The following ASH2L variants were observed in gnomAD, a reference collection of about 807,000 sequenced individuals.
ASH2L encodes the protein ASH2 like, histone lysine methyltransferase complex subunit.
In ASH2L, 30 loss-of-function variants were observed where a neutral mutation model predicts 81.1. That is an observed-to-expected ratio of 0.37 (90% CI 0.28 to 0.50). The LOEUF (loss-of-function observed/expected upper bound fraction) is 0.50. Among genes scored for constraint, ASH2L ranks in the 20% least tolerant of loss-of-function variants. The pLI, the probability that ASH2L is intolerant of heterozygous loss-of-function variation, is 0.95. For missense variants in ASH2L, 559 were observed against 792.1 expected (o/e 0.71, Z 3.53); for synonymous variants, 273 against 279.9 (o/e 0.98, Z 0.24).
At chr8:38,106,143 GATT>G (rs1810420200) in intron 1 of ASH2L, 1 of 1,530,830 alleles carries the variant, frequency 6.5e-7, no homozygotes, top group African/African-American at 1.4e-5. Context: ...AACCCAGGTA[GATT>G]TGACTGTAAA....
At chr8:38,120,306 C>T (rs1048773505) in intron 9 of ASH2L, among the ~76,000 whole-genome samples, 1 of 152,060 alleles carries the variant, frequency 6.6e-6, no homozygotes, top group Admixed American at 6.5e-5. Flanking sequence ...GGAGTGAAAC[C>T]AGTGTTGAAT....
intron 9 of ASH2L, 95 bp downstream of exon 9, chr8:38,119,458 T>A: frequency 9.5e-7 from 1 of 1,047,520 alleles, no homozygotes; most frequent in Non-Finnish European, 1.3e-6. Flanking sequence ...GGGTCGGAGG[T>A]TAAAAAGCCT....
At chr8:38,113,850 G>T (rs1055551453) in intron 5 of ASH2L, among the ~76,000 whole-genome samples, 1 of 152,188 alleles carries the variant, frequency 6.6e-6, no homozygotes, top group Non-Finnish European at 1.5e-5. Context: ...GTCTCAGCTG[G>T]TAGAAATAGG....
chr8:38,117,497 C>T, intron 8 of ASH2L: 1 of 984,866 alleles, frequency 1.0e-6, no homozygotes. Flanking sequence ...CTTCTTTCAG[C>T]CTCTCAGACT....
intron 13 of ASH2L, 62 bp downstream of exon 13, chr8:38,133,608 C>T (rs1802145819): frequency 7.6e-7 from 1 of 1,317,788 alleles, no homozygotes; most frequent in Non-Finnish European, 1.0e-6. Context: ...CCCATTCCTT[C>T]ATTATAAAAG....
At chr8:38,123,470 C>A (rs571443600) in intron 10 of ASH2L, among the ~76,000 whole-genome samples, 30 of 152,160 alleles carry the variant, frequency 2.0e-4, no homozygotes, top group African/African-American at 7.2e-4. Context: ...TTAGACTTGC[C>A]GTACTCAGTC....
intron 8 of ASH2L, among the ~76,000 whole-genome samples, chr8:38,118,447 TC>T (rs1440544405): frequency 6.6e-6 from 1 of 152,246 alleles, no homozygotes; most frequent in Non-Finnish European, 1.5e-5. Flanking sequence ...AAGGTAATCT[TC>T]CTTGTGGCTT....
chr8:38,125,899 G>C (rs934399924), intron 10 of ASH2L, among the ~76,000 whole-genome samples: 6 of 151,700 alleles, frequency 4.0e-5, no homozygotes, highest in Non-Finnish European at 7.4e-5. Context: ...CAATAACCTT[G>C]ACCTTAAAAT....
At chr8:38,123,175 C>T (rs1801702132) in intron 10 of ASH2L, 1 of 146,458 alleles carries the variant, frequency 6.8e-6, no homozygotes, top group Non-Finnish European at 1.5e-5. Flanking sequence ...ACCTCTGCCT[C>T]CCGGGTTCAA....
At chr8:38,131,198 G>C (rs1360995785) in intron 12 of ASH2L, among the ~76,000 whole-genome samples, 2 of 152,056 alleles carry the variant, frequency 1.3e-5, no homozygotes. Flanking sequence ...TATCACACTA[G>C]TGACTTATTG....
chr8:38,114,384 G>A, intron 6 of ASH2L, 97 bp downstream of exon 6: 1 of 784,158 alleles, frequency 1.3e-6, no homozygotes, highest in Middle Eastern at 2.6e-4. Context: ...GATAAAATTA[G>A]AACAACTTAA....
In ASH2L at chr8:38,107,323, C is replaced by T. The variant is rs546849722; in HGVS notation, c.401+157C>T. ...TGTTGAATCAGGAGTTGTTTTAATT[C>T]CCTTAGCATGTTATCTGCTTACTGA... On this transcript the variant is annotated intron_variant, in intron 3 of 15. Transcript: ENST00000343823. 2.6e-5 allele frequency among the ~76,000 whole-genome samples: 4 copies of T among 152,236 alleles called. No homozygotes were observed. The East Asian group carries it at 7.7e-4, about 29-fold the overall frequency.
At chr8:38,132,867 C>T (rs970381894) in intron 12 of ASH2L, among the ~76,000 whole-genome samples, 1 of 151,210 alleles carries the variant, frequency 6.6e-6, no homozygotes, top group African/African-American at 2.4e-5. Context: ...GAGGCCAAGG[C>T]GGGTGGATCA....
chr8:38,111,629 G>A lies in ASH2L; in HGVS notation c.585+796G>A, dbSNP rs563206434. On this transcript the variant is annotated intron_variant, in intron 5 of 15. Coordinates refer to ENST00000343823, the MANE Select transcript of ASH2L (RefSeq NM_004674.5). ...TAGAACTCCCGTACTCAAGTGATCC[G>A]TCCGCCTCAGCCTCCCAAGGTGTTG... Among the ~76,000 whole-genome samples, 4 of 151,632 alleles carry A rather than the reference G, an allele frequency of 2.6e-5. No homozygotes were observed. The South Asian group carries it at 8.3e-4, about 32-fold the overall frequency.
intron 3 of ASH2L, among the ~76,000 whole-genome samples, chr8:38,107,863 CAT>C (rs745746046): frequency 0.018 from 2,068 of 115,592 alleles, 18 homozygotes; most frequent in Non-Finnish European, 0.025. Flanking sequence ...TGAAGAAATA[CAT>C]ATATGTGTGT....
intron 3 of ASH2L, among the ~76,000 whole-genome samples, chr8:38,109,980 T>A (rs934646423): frequency 6.6e-6 from 1 of 152,200 alleles, no homozygotes; most frequent in African/African-American, 2.4e-5. Context: ...ATCCAGGTAT[T>A]TATAAAAATA....
intron 1 of ASH2L, 99 bp downstream of exon 1, chr8:38,105,837 A>G: frequency 6.9e-7 from 1 of 1,440,158 alleles, no homozygotes; most frequent in Non-Finnish European, 9.1e-7. Context: ...CTGCGAACCC[A>G]GGCCCCGCCG....
chr8:38,136,979 G>C (rs576641874), intron 14 of ASH2L, among the ~76,000 whole-genome samples: 142 of 151,900 alleles, frequency 9.3e-4, no homozygotes, highest in Non-Finnish European at 1.7e-3. Context: ...TATAATCCCA[G>C]CTGTGGGGGA....
chr8:38,127,587 A>C (rs2130550585), intron 10 of ASH2L, among the ~76,000 whole-genome samples: 1 of 151,792 alleles, frequency 6.6e-6, no homozygotes. Flanking sequence ...CTGTACTAAA[A>C]ATACGAAAAT....
Sources: allele counts gnomAD v4.1 joint callset (sites outside exome capture counted in the v4.1 genomes callset), GRCh38; gene constraint gnomAD v4.1.1; transcripts MANE v1.5; gene names NCBI Gene and HGNC (gene_info 2026-07-23, HGNC 2026-07-21).